ADAMTS3: variants seen among roughly 807,000 people sequenced by gnomAD.
ADAMTS3 encodes the protein A disintegrin and metalloproteinase with thrombospondin motifs 3.
ADAMTS3 carries 73 observed loss-of-function variants against 129.0 expected under a neutral mutation model. That is an observed-to-expected ratio of 0.57 (90% CI 0.47 to 0.69). The LOEUF is 0.69. Among genes scored for constraint, ADAMTS3 ranks in the 30% least tolerant of loss-of-function variants. The pLI is 0.00. For synonymous variants in ADAMTS3, 477 were observed against 510.8 expected, an observed-to-expected ratio of 0.93 and a Z score of 0.89; for missense variants, 1,457 against 1,514.5, an observed-to-expected ratio of 0.96 and a Z score of 0.63.
At position 72,414,827 on chromosome 4, in the gene ADAMTS3, A is replaced by C. The variant is rs771609492; in HGVS notation, c.649T>G (p.Phe217Val). 2 of 1,479,128 alleles carry C rather than the reference A, an allele frequency of 1.4e-6. No homozygotes were observed. The allele number at this position is 1,479,128 out of a possible 1,614,324, so 91.6% of individuals were successfully genotyped here. A position where few individuals can be genotyped will look rare whatever the true frequency, so the allele number is the denominator to read the frequency against. Reference sequence around the variant, plus strand: ...TCAAGACGCCTACCTCTGTAGTGGAAGTCTTTGGACATGTCTATGGGAGCC... The same window carrying C: ...TCAAGACGCCTACCTCTGTAGTGGACGTCTTTGGACATGTCTATGGGAGCC... ...EQAPIDMSKD[F>V]HYRESDLEGL... Residue 217 changes from phenylalanine (F) to valine (V), a missense_variant, in exon 4 of 22, where the codon TTC becomes GTC. Coordinates refer to ENST00000286657, the MANE Select transcript of ADAMTS3 (RefSeq NM_014243.3).
chr4:72,478,210 G>A (rs1339285235), intron 3 of ADAMTS3, among the ~76,000 whole-genome samples: 3 of 152,152 alleles, frequency 2.0e-5, no homozygotes, highest in Non-Finnish European at 2.9e-5. Context: ...GCTTCATTCT[G>A]ATACCAAAGC....
At chr4:72,318,530 G>T (rs971748900) in intron 10 of ADAMTS3, 42 bp downstream of exon 10, 3 of 1,603,038 alleles carry the variant, frequency 1.9e-6, no homozygotes, top group Middle Eastern at 1.7e-4. Flanking sequence ...TACACAAATA[G>T]ATTTCGAGCT....
chr4:72,512,702 T>C (rs1720348444), intron 3 of ADAMTS3, among the ~76,000 whole-genome samples: 1 of 152,152 alleles, frequency 6.6e-6, no homozygotes, highest in South Asian at 2.1e-4. Context: ...TATCAAAACA[T>C]CTCATGCCCC....
chr4:72,526,737 T>C (rs788945), intron 3 of ADAMTS3, among the ~76,000 whole-genome samples: 278 of 3,860 alleles, frequency 0.072, 1 homozygote, highest in African/African-American at 0.12. Flanking sequence ...TACATACATA[T>C]ATATATATAT....
intron 5 of ADAMTS3, among the ~76,000 whole-genome samples, chr4:72,336,264 A>G (rs1366012856): frequency 1.3e-5 from 2 of 152,146 alleles, no homozygotes; most frequent in East Asian, 3.9e-4. Context: ...GCTTTCTTCT[A>G]CAGTTTCTCT....
Position 72,333,811 on chromosome 4 carries a change from T to C in ADAMTS3, c.861+5683A>G, listed in dbSNP as rs534276640. Among the ~76,000 whole-genome samples, 205 of 151,540 alleles carry C rather than the reference T, an allele frequency of 1.4e-3. 1 individual carries two copies. Among genetic ancestry groups the C allele is most frequent in the African/African-American group, 4.8e-3 (197 of 41,346 alleles). ...CAATTCCTGAAAGAAGGTTTTCTTT[T>C]TTGTTGTTTTGTTGTTGTTGTTTGT... On this transcript the variant is annotated intron_variant, in intron 5 of 21. Transcript: ENST00000286657.
At position 72,312,379 on chromosome 4, in the gene ADAMTS3, G is replaced by T. The variant is rs752453602; in HGVS notation, c.1833C>A (p.Asp611Glu). 5.6e-6 allele frequency: 9 copies of T among 1,613,650 alleles called. No homozygotes were observed. Among genetic ancestry groups the T allele is most frequent in the Non-Finnish European group, 7.6e-6 (9 of 1,179,810 alleles). Residue 611 changes from aspartate (D) to glutamate (E), a missense_variant, in exon 13 of 22, where the codon GAC (aspartate) becomes GAA (glutamate). Coordinates refer to ENST00000286657, the MANE Select transcript of ADAMTS3 (RefSeq NM_014243.3). ...GCTGCTGACACTGCTGTGCTCTGAA[G>T]TCCTCAAAGTGTTTTTGGCATTCTT... The part of the protein sequence containing the change: ...NTEECQKHFE[D>E]FRAQQCQQRN...
intron 3 of ADAMTS3, among the ~76,000 whole-genome samples, chr4:72,444,902 G>A (rs1718212709): frequency 6.6e-6 from 1 of 151,710 alleles, no homozygotes. Flanking sequence ...GCTACGACAT[G>A]GATGAACCTT....
At chr4:72,550,298 T>C (rs1473753933) in intron 2 of ADAMTS3, among the ~76,000 whole-genome samples, 1 of 152,004 alleles carries the variant, frequency 6.6e-6, no homozygotes, top group Non-Finnish European at 1.5e-5. Context: ...ATGAGATCTG[T>C]AAATGAACCT....
intron 3 of ADAMTS3, among the ~76,000 whole-genome samples, chr4:72,541,040 C>T (rs1721309879): frequency 6.6e-6 from 1 of 152,282 alleles, no homozygotes; most frequent in African/African-American, 2.4e-5. Flanking sequence ...TATCCACCAA[C>T]AGCTTGCACC....
chr4:72,464,425 G>A (rs796998468), intron 3 of ADAMTS3, among the ~76,000 whole-genome samples: 11 of 152,114 alleles, frequency 7.2e-5, no homozygotes, highest in East Asian at 1.9e-4. Flanking sequence ...GTCAGTAAGC[G>A]AACATTGCTT....
intron 4 of ADAMTS3, among the ~76,000 whole-genome samples, chr4:72,391,002 T>G (rs1307924084): frequency 6.6e-6 from 1 of 152,068 alleles, no homozygotes; most frequent in East Asian, 1.9e-4. Context: ...TAGATAATTG[T>G]ACTGATGGAT....
chr4:72,530,844 A>T (rs1284097780), intron 3 of ADAMTS3, among the ~76,000 whole-genome samples: 3 of 124,914 alleles, frequency 2.4e-5, no homozygotes, highest in Non-Finnish European at 3.2e-5. Flanking sequence ...ATAATATATA[A>T]TATATAATAT....
In ADAMTS3 at chr4:72,548,859, C is replaced by G. The variant is rs1721538841; in HGVS notation, c.123G>C (p.Glu41Asp). The change falls in exon 3 of 22, where the codon GAG (glutamate) becomes GAC (aspartate). Residue 41 changes from glutamate (E) to aspartate (D), a missense_variant. Glu to Asp is a conservative substitution (Grantham distance 45, BLOSUM62 2). Transcript: ENST00000286657. ...TGCTGACTGGAGTCACCAGCTCATACTCTCTATATCTCTTTATTGGTAAAT... is the reference window on the plus strand; with the variant it reads ...TGCTGACTGGAGTCACCAGCTCATAGTCTCTATATCTCTTTATTGGTAAAT... ...QIDLPIKRYR[E>D]YELVTPVSTN... 2 of 1,609,862 alleles carry G rather than the reference C, an allele frequency of 1.2e-6. No homozygotes were observed.
intron 3 of ADAMTS3, among the ~76,000 whole-genome samples, chr4:72,538,481 T>C (rs1024715936): frequency 5.3e-5 from 8 of 151,734 alleles, no homozygotes; most frequent in South Asian, 2.1e-4. Context: ...AGTGGACTGA[T>C]ATATTCAGAA....
chr4:72,288,794 T>C lies in ADAMTS3; in HGVS notation c.3006A>G (p.Glu1002=). 1 of 1,613,994 alleles carries C rather than the reference T, an allele frequency of 6.2e-7. No homozygotes were observed. Among genetic ancestry groups the C allele is most frequent in the Non-Finnish European group, 8.5e-7 (1 of 1,179,974 alleles). Residue 1002 remains glutamate (E), a synonymous_variant, in exon 21 of 22, where the codon GAA becomes GAG. Coordinates refer to ENST00000286657, the MANE Select transcript of ADAMTS3 (RefSeq NM_014243.3). ...GACAGGCTCTGACCGACTCAGGCTT[T>C]TCACCATCACAGTGGTCCCCAGCCC... ...LCRAGDHCDG[E]KPESVRACQL... is the part of the protein sequence containing the mutation.
At chr4:72,430,834 A>AG (rs1390439592) in intron 3 of ADAMTS3, among the ~76,000 whole-genome samples, 1 of 151,602 alleles carries the variant, frequency 6.6e-6, no homozygotes, top group Admixed American at 6.6e-5. Context: ...CATTAAAAAA[A>AG]AAAAAACTCA....
intron 3 of ADAMTS3, among the ~76,000 whole-genome samples, chr4:72,528,706 C>T (rs1720880364): frequency 6.6e-6 from 1 of 152,030 alleles, no homozygotes; most frequent in East Asian, 1.9e-4. Context: ...TCGTAACACT[C>T]TCTTTATTTT....
chr4:72,321,707 T>A lies in ADAMTS3; in HGVS notation c.946-837A>T, dbSNP rs1719559625. ...GGAGAATATGAATTCTTCCATGAGT[T>A]GACAAGGCTGATGAAATCTTAGTCT... is the stretch of plus-strand genomic sequence containing the variant. On this transcript the variant is annotated intron_variant, in intron 6 of 21. Transcript: ENST00000286657. 3.9e-5 allele frequency among the ~76,000 whole-genome samples: 6 copies of A among 152,284 alleles called. No individual in the cohort carries two copies. In the South Asian group the frequency reaches 1.2e-3, roughly 32 times the overall value.
Sources: gnomAD v4.1 joint callset for allele counts (sites outside exome capture counted in the v4.1 genomes callset) on GRCh38, gnomAD v4.1.1 for gene constraint, MANE v1.5 for transcripts, NCBI Gene and HGNC (gene_info 2026-07-23, HGNC 2026-07-21) for gene names.